PRRG1: variants seen among roughly 807,000 people sequenced by gnomAD.
PRRG1 encodes the protein transmembrane gamma-carboxyglutamic acid protein 1.
Under a neutral mutation model 11.8 loss-of-function variants are expected in PRRG1, and 5 were observed. That is an observed-to-expected ratio of 0.42 (90% CI 0.22 to 0.89). The LOEUF is 0.89. Ranked by LOEUF, PRRG1 falls within the 40% of genes least tolerant of loss-of-function variation. The probability of loss-of-function intolerance (pLI) is 0.28; values close to 1 mark genes in which losing one functional copy is unlikely to be tolerated. For missense variants in PRRG1, 155 were observed against 166.1 expected (o/e 0.93, Z 0.37); for synonymous variants, 66 against 60.4 (o/e 1.09, Z -0.43).
chrX:37,352,710 C>G (rs1320515241), intron 1 of PRRG1, among the ~76,000 whole-genome samples: 1 of 111,881 alleles, frequency 8.9e-6, no homozygotes, highest in African/African-American at 3.3e-5. Context: ...GGAGGCAAGA[C>G]AAGAAGTTAA....
chrX:37,445,975 G>A (rs1320746016), intron 3 of PRRG1, among the ~76,000 whole-genome samples: 2 of 112,196 alleles, frequency 1.8e-5, no homozygotes, highest in Non-Finnish European at 3.8e-5. Flanking sequence ...ACAAAAAAAT[G>A]TTTACCAATC....
intron 3 of PRRG1, among the ~76,000 whole-genome samples, chrX:37,429,941 C>T (rs1932809745): frequency 9.0e-6 from 1 of 111,651 alleles, no homozygotes; most frequent in Non-Finnish European, 1.9e-5. Flanking sequence ...CCCTGATAAA[C>T]CCATCAGATT....
intron 2 of PRRG1, among the ~76,000 whole-genome samples, chrX:37,409,295 G>A (rs992720412): frequency 7.1e-5 from 8 of 111,931 alleles, no homozygotes; most frequent in African/African-American, 2.6e-4. Flanking sequence ...TCATCTTCAC[G>A]TTGAATCAGT....
intron 1 of PRRG1, among the ~76,000 whole-genome samples, chrX:37,398,512 A>G (rs1931805997): frequency 8.9e-6 from 1 of 111,792 alleles, no homozygotes; most frequent in Admixed American, 9.5e-5. Flanking sequence ...AAAAGTAGAT[A>G]AAACCACAAA....
At chrX:37,425,545 G>A (rs782355346) in intron 2 of PRRG1, among the ~76,000 whole-genome samples, 1 of 112,076 alleles carries the variant, frequency 8.9e-6, no homozygotes, top group African/African-American at 3.2e-5. Flanking sequence ...AGTATAAGTA[G>A]TGCTATCATT....
chrX:37,407,740 GT>G (rs781872113), intron 2 of PRRG1, among the ~76,000 whole-genome samples: 2 of 111,778 alleles, frequency 1.8e-5, no homozygotes, highest in African/African-American at 6.5e-5. Flanking sequence ...TATCTTCATT[GT>G]TTTTTTAATG....
intron 1 of PRRG1, among the ~76,000 whole-genome samples, chrX:37,365,453 T>TC (rs1556369073): frequency 8.9e-6 from 1 of 111,868 alleles, no homozygotes; most frequent in Non-Finnish European, 1.9e-5. Flanking sequence ...TCATATAGCC[T>TC]CCAGTGGAAT....
At chrX:37,389,524 G>A (rs1931456307) in intron 1 of PRRG1, among the ~76,000 whole-genome samples, 1 of 111,248 alleles carries the variant, frequency 9.0e-6, no homozygotes, top group African/African-American at 3.3e-5. Flanking sequence ...AAGGTGAAGG[G>A]CAGCCAGCAC....
intron 3 of PRRG1, among the ~76,000 whole-genome samples, chrX:37,436,874 T>TC (rs1315493154): frequency 1.8e-5 from 2 of 112,310 alleles, no homozygotes; most frequent in Non-Finnish European, 3.8e-5. Flanking sequence ...CCTAGACGCA[T>TC]CCCAGACCCT....
intron 1 of PRRG1, among the ~76,000 whole-genome samples, chrX:37,402,861 C>A (rs1932050188): frequency 9.0e-6 from 1 of 111,431 alleles, no homozygotes; most frequent in African/African-American, 3.3e-5. Flanking sequence ...TTTATGCAGC[C>A]AAAAAACACA....
chrX:37,438,898 G>T (rs1214411179), intron 3 of PRRG1, among the ~76,000 whole-genome samples: 1 of 111,965 alleles, frequency 8.9e-6, no homozygotes, highest in Non-Finnish European at 1.9e-5. Context: ...GTGGGTATCT[G>T]CTGATTTCCT....
chrX:37,412,475 G>T (rs566018284), intron 2 of PRRG1, among the ~76,000 whole-genome samples: 10 of 111,385 alleles, frequency 9.0e-5, no homozygotes, highest in African/African-American at 3.3e-4. Flanking sequence ...TGGCTTTATG[G>T]TTCAAGTGAA....
intron 2 of PRRG1, among the ~76,000 whole-genome samples, chrX:37,423,991 A>G (rs1454725956): frequency 1.8e-5 from 2 of 111,609 alleles, no homozygotes; most frequent in Non-Finnish European, 3.8e-5. Flanking sequence ...GAACAGATTT[A>G]TAGCCTAGGA....
chrX:37,420,668 C>CAAAAAAAAAAAAA (rs1302856034), intron 2 of PRRG1, among the ~76,000 whole-genome samples: 2 of 29,522 alleles, frequency 6.8e-5, no homozygotes, highest in African/African-American at 2.8e-4. Flanking sequence ...CCCGTCTATG[C>CAAAAAAAAAAAAA]AAAAAAAAAA....
chrX:37,455,803 T>C lies in PRRG1; in HGVS notation c.*2182T>C, dbSNP rs1556398215. ...CTGTGTATGTATGTGTGGGGTTTTTTTCTTTATTTTTAAATGAAAATTAAG... is the reference window on the plus strand; with the variant it reads ...CTGTGTATGTATGTGTGGGGTTTTTCTCTTTATTTTTAAATGAAAATTAAG... On this transcript the variant is annotated 3_prime_UTR_variant, in exon 4 of 4. Coordinates refer to ENST00000378628, the MANE Select transcript of PRRG1 (RefSeq NM_001142395.2). 8.9e-6 allele frequency: 1 copy of C among 112,385 alleles called. No homozygotes were observed. Among genetic ancestry groups the C allele is most frequent in the Non-Finnish European group, 1.9e-5 (1 of 53,299 alleles). 9.3% of individuals were successfully genotyped at this position (112,385 alleles called of 1,213,427 possible).
At chrX:37,440,766 T>A (rs1556393361) in intron 3 of PRRG1, 3 of 508,419 alleles carry the variant, frequency 5.9e-6, no homozygotes, top group Non-Finnish European at 1.0e-5. Flanking sequence ...TATTTTATTT[T>A]ATTATTGTTT....
intron 3 of PRRG1, chrX:37,441,590 A>G (rs2146628935): frequency 1.3e-6 from 1 of 785,400 alleles, no homozygotes; most frequent in East Asian, 1.1e-4. Flanking sequence ...GCTGTCAACA[A>G]CCACGTCAAC....
intron 3 of PRRG1, chrX:37,441,229 T>C: frequency 2.6e-6 from 2 of 782,978 alleles, no homozygotes; most frequent in Non-Finnish European, 3.0e-6. Context: ...GAGAAGAAGC[T>C]ATTACAGAGG....
intron 3 of PRRG1, among the ~76,000 whole-genome samples, chrX:37,428,253 G>C (rs1305814960): frequency 9.0e-6 from 1 of 111,162 alleles, no homozygotes; most frequent in Non-Finnish European, 1.9e-5. Context: ...GTCCCCCAGA[G>C]TCTTAACTCA....
Sources: allele counts gnomAD v4.1 joint callset (sites outside exome capture counted in the v4.1 genomes callset), GRCh38; gene constraint gnomAD v4.1.1; transcripts MANE v1.5; gene names NCBI Gene and HGNC (gene_info 2026-07-23, HGNC 2026-07-21).